Variants in MYO18B observed in about 807,000 individuals in gnomAD.
MYO18B encodes unconventional myosin-XVIIIb.
MYO18B carries 204 observed loss-of-function variants against 273.0 expected under a neutral mutation model. That is an observed-to-expected ratio of 0.75 (90% CI 0.67 to 0.84). MYO18B has a LOEUF of 0.84. MYO18B is among the 40% of genes least tolerant of loss of function. The pLI is 0.00. For synonymous variants in MYO18B, 1,330 were observed against 1,305.7 expected (o/e 1.02, Z -0.40); for missense variants, 3,212 against 3,287.6 (o/e 0.98, Z 0.56).
intron 34 of MYO18B, among the ~76,000 whole-genome samples, chr22:25,921,815 AGTGTGTGTGTGT>A (rs71191088): frequency 0.023 from 3,053 of 130,526 alleles, 106 homozygotes; most frequent in African/African-American, 0.072. Flanking sequence ...AAATAGCAAT[AGTGTGTGTGTGT>A]GTGTGTGTGT....
At chr22:25,902,331 G>A (rs753870423) in intron 29 of MYO18B, among the ~76,000 whole-genome samples, 1 of 152,162 alleles carries the variant, frequency 6.6e-6, no homozygotes, top group Admixed American at 6.5e-5. Flanking sequence ...GAGAAATCTA[G>A]AATTATAAGT....
At chr22:25,894,309 A>AATGG (rs1341680900) in intron 27 of MYO18B, among the ~76,000 whole-genome samples, 4 of 152,130 alleles carry the variant, frequency 2.6e-5, no homozygotes, top group Admixed American at 1.3e-4. Flanking sequence ...TGAGTGTGTG[A>AATGG]ATGGATGGAT....
chr22:25,976,823 C>G (rs1601735097), intron 39 of MYO18B, among the ~76,000 whole-genome samples: 2 of 152,140 alleles, frequency 1.3e-5, no homozygotes, highest in African/African-American at 4.8e-5. Context: ...TTTCCCCCTT[C>G]TTACTCAAGC....
intron 12 of MYO18B, among the ~76,000 whole-genome samples, chr22:25,813,174 C>G (rs991644494): frequency 2.2e-5 from 3 of 136,502 alleles, no homozygotes; most frequent in Admixed American, 1.6e-4. Flanking sequence ...TCTTCTTCCT[C>G]TTCTTCTTCC....
At chr22:25,945,777 GCCTCC>G (rs1569220074) in intron 34 of MYO18B, among the ~76,000 whole-genome samples, 1 of 1,102 alleles carries the variant, frequency 9.1e-4, no homozygotes, top group Admixed American at 0.012. Flanking sequence ...CCCTCCCCTC[GCCTCC>G]CCTCCCCTCC....
chr22:25,889,148 T>C (rs2091586892), intron 25 of MYO18B, among the ~76,000 whole-genome samples: 1 of 151,290 alleles, frequency 6.6e-6, no homozygotes, highest in Admixed American at 6.7e-5. Flanking sequence ...TGCCTTTTTT[T>C]CCCCTTTGGC....
chr22:25,848,185 T>C (rs1433327002), intron 20 of MYO18B, among the ~76,000 whole-genome samples: 1 of 152,108 alleles, frequency 6.6e-6, no homozygotes, highest in East Asian at 1.9e-4. Flanking sequence ...GAGTGATATT[T>C]TGATGTTCAC....
the MYO18B span, among the ~76,000 whole-genome samples, chr22:26,043,909 C>T: frequency 2.6e-5 from 4 of 152,132 alleles, no homozygotes; most frequent in Admixed American, 6.6e-5. Flanking sequence ...TACATGCACA[C>T]GCCACTGCAC....
Position 26,026,658 on chromosome 22 carries a change from G to C in MYO18B, c.6684G>C (p.Leu2228=). ...GATTAGAACCTGCTTCCTCTCCCCT[G>C]GCTTCTCGGAGTACAAATACATCCC... ...TERLEPASSP[L]ASRSTNTSPL... is the part of the protein sequence containing the mutation. Residue 2228 remains leucine, a synonymous_variant, in exon 43 of 44, where the codon CTG becomes CTC. Coordinates refer to ENST00000335473, the MANE Select transcript of MYO18B (RefSeq NM_032608.7). 1 of 1,613,828 alleles carries C rather than the reference G, an allele frequency of 6.2e-7. No homozygotes were observed. The highest frequency in any genetic ancestry group is 8.5e-7 in the Non-Finnish European group (1 of 1,179,862).
At position 25,769,289 on chromosome 22, in the gene MYO18B, C is replaced by T. The variant is rs1218012700; in HGVS notation, c.1373C>T (p.Ala458Val). Reference protein sequence around the residue: ...PCSRAGDGAGALETELEGPSQ... With the variant: ...PCSRAGDGAGVLETELEGPSQ... ...TCAAGAGCAGGTGATGGGGCTGGTG[C>T]CCTGGAGACAGAGCTGGAAGGACCC... The change falls in exon 4 of 44, where the codon GCC becomes GTC. Residue 458 changes from alanine to valine, a missense_variant. Coordinates refer to ENST00000335473, the MANE Select transcript of MYO18B (RefSeq NM_032608.7). 1 of 1,583,502 alleles carries T rather than the reference C, an allele frequency of 6.3e-7. No individual in the cohort carries two copies. Among genetic ancestry groups the T allele is most frequent in the Non-Finnish European group, 8.6e-7 (1 of 1,165,394 alleles).
rs767048738 is a variant in MYO18B, at chr22:25,997,323, AAAAAAAAC to A, written c.6287+4831_6287+4838del. Among the ~76,000 whole-genome samples the A allele has an allele frequency of 1.2e-3, 179 of 150,536 alleles. 2 individuals carry two copies. Among genetic ancestry groups the A allele is most frequent in the South Asian group, 5.6e-3 (27 of 4,780 alleles). On this transcript the variant is annotated intron_variant, in intron 40 of 43. Transcript: ENST00000335473. ...CTGTCGCCAAAAAAAAAAAAAAAAA[AAAAAAAAC>A]GAAGGAAAAAAGAAAGTATGGGTCT...
At chr22:25,759,466 C>A (rs568800347) in intron 1 of MYO18B, among the ~76,000 whole-genome samples, 1 of 148,656 alleles carries the variant, frequency 6.7e-6, no homozygotes, top group Admixed American at 6.7e-5. Flanking sequence ...AGGAGTTGAA[C>A]AATGAGAACA....
intron 2 of MYO18B, chr22:25,763,029 T>G: frequency 1.3e-6 from 1 of 750,712 alleles, no homozygotes. Flanking sequence ...TGGCTGCCCC[T>G]GTGTTCCATT....
intron 33 of MYO18B, among the ~76,000 whole-genome samples, chr22:25,912,056 A>C (rs1201139907): frequency 6.6e-6 from 1 of 152,234 alleles, no homozygotes; most frequent in Admixed American, 6.5e-5. Context: ...TAAATTCATT[A>C]ACTTTATTCA....
At chr22:25,961,170 T>G (rs962709922) in intron 39 of MYO18B, among the ~76,000 whole-genome samples, 1 of 150,294 alleles carries the variant, frequency 6.7e-6, no homozygotes, top group Admixed American at 6.7e-5. Context: ...TACGGTGAAC[T>G]ATGGTTGCAC....
chr22:25,918,841 A>G (rs1055032589), intron 33 of MYO18B, among the ~76,000 whole-genome samples: 1 of 152,246 alleles, frequency 6.6e-6, no homozygotes, highest in Admixed American at 6.5e-5. Context: ...TTCTAGAGTA[A>G]GTAAATCTGA....
At chr22:25,785,251 A>T (rs960722675) in intron 10 of MYO18B, among the ~76,000 whole-genome samples, 177 bp from the exon 11 acceptor site, 1 of 152,012 alleles carries the variant, frequency 6.6e-6, no homozygotes, top group African/African-American at 2.4e-5. Flanking sequence ...GTGCGTGAGG[A>T]ATATTTGGGA....
At chr22:25,877,681 T>C (rs189834156) in intron 24 of MYO18B, among the ~76,000 whole-genome samples, 1 of 152,284 alleles carries the variant, frequency 6.6e-6, no homozygotes, top group Non-Finnish European at 1.5e-5. Flanking sequence ...TTGGTCAGGC[T>C]GGTCTCGAAC....
chr22:25,895,862 T>C (rs1045022085), intron 28 of MYO18B, among the ~76,000 whole-genome samples: 2 of 152,148 alleles, frequency 1.3e-5, no homozygotes, highest in African/African-American at 2.4e-5. Flanking sequence ...GTTTTTGAGC[T>C]CATCTTCAAC....
Sources: gnomAD v4.1 joint callset for allele counts (sites outside exome capture counted in the v4.1 genomes callset) on GRCh38, gnomAD v4.1.1 for gene constraint, MANE v1.5 for transcripts, NCBI Gene and HGNC (gene_info 2026-07-23, HGNC 2026-07-21) for gene names.